NEMP2: variants seen among roughly 807,000 people sequenced by gnomAD.
NEMP2 encodes the protein nuclear envelope integral membrane protein 2.
In NEMP2, 53 loss-of-function variants were observed where a neutral mutation model predicts 54.2. The observed-to-expected ratio is 0.98, with a 90% CI of 0.78 to 1.23. NEMP2 has a LOEUF of 1.23. Among genes scored for constraint, NEMP2 ranks in the 50% most tolerant of loss-of-function variants. The pLI is 0.00. For missense variants in NEMP2, 455 were observed against 511.3 expected, an observed-to-expected ratio of 0.89 and a Z score of 1.06; for synonymous variants, 197 against 190.3, an observed-to-expected ratio of 1.04 and a Z score of -0.29.
At chr2:190,534,861 C>T (rs1691315332), upstream of NEMP2, 1 of 392,250 alleles carries the variant, frequency 2.5e-6, no homozygotes, top group African/African-American at 2.1e-5. Flanking sequence ...ACGGCGGGCC[C>T]AGGCCGGAGG....
chr2:190,641,654 A>C, the NEMP2 span, among the ~76,000 whole-genome samples: 13 of 151,872 alleles, frequency 8.6e-5, no homozygotes, highest in Non-Finnish European at 1.5e-4. Context: ...ACTTTAACCT[A>C]CTCTCCACCC....
the NEMP2 span, among the ~76,000 whole-genome samples, chr2:190,576,619 G>A: frequency 7.0e-6 from 1 of 142,034 alleles, no homozygotes; most frequent in Non-Finnish European, 1.5e-5. Flanking sequence ...CTAGTTTATG[G>A]AGCGGGGTGG....
chr2:190,553,784 G>A, the NEMP2 span, among the ~76,000 whole-genome samples: 1 of 152,220 alleles, frequency 6.6e-6, no homozygotes, highest in African/African-American at 2.4e-5. Context: ...GAGAGGCAGA[G>A]AGGAGGATCC....
At chr2:190,574,855 T>G in the NEMP2 span, among the ~76,000 whole-genome samples, 8 of 145,034 alleles carry the variant, frequency 5.5e-5, no homozygotes, top group Admixed American at 3.4e-4. Flanking sequence ...TCTTTTCTTT[T>G]CTTTGCTTTT....
At chr2:190,572,849 A>ATATATATATG in the NEMP2 span, among the ~76,000 whole-genome samples, 2 of 111,580 alleles carry the variant, frequency 1.8e-5, no homozygotes, top group African/African-American at 6.8e-5. Context: ...ATATATATAT[A>ATATATATATG]TATATATATA....
At chr2:190,589,016 G>T in the NEMP2 span, among the ~76,000 whole-genome samples, 1 of 152,104 alleles carries the variant, frequency 6.6e-6, no homozygotes, top group Non-Finnish European at 1.5e-5. The surrounding 1 kb of genome is among the most constrained non-coding windows in gnomAD (Gnocchi z 4.3). Flanking sequence ...CTTTATATGG[G>T]CTAACTTTCA....
the NEMP2 span, among the ~76,000 whole-genome samples, chr2:190,572,457 T>C: frequency 2.0e-5 from 3 of 152,006 alleles, no homozygotes; most frequent in Non-Finnish European, 4.4e-5. Flanking sequence ...GACAAGAAAT[T>C]AGTCATGTGG....
intron 1 of NEMP2, 42 bp downstream of exon 1, chr2:190,534,517 C>G: frequency 7.3e-7 from 1 of 1,361,516 alleles, no homozygotes; most frequent in Non-Finnish European, 9.4e-7. Context: ...AGCCGGGGAG[C>G]GAGCACGCAC....
At chr2:190,576,980 T>G in the NEMP2 span, among the ~76,000 whole-genome samples, 1 of 152,196 alleles carries the variant, frequency 6.6e-6, no homozygotes, top group Admixed American at 6.5e-5. Flanking sequence ...CAACTGTTTA[T>G]TCACCAGGTA....
At chr2:190,499,652 T>C (rs774602984), downstream of NEMP2, among the ~76,000 whole-genome samples, 1 of 152,262 alleles carries the variant, frequency 6.6e-6, no homozygotes. This position sits in a 1 kb window ranked among gnomAD's most constrained non-coding sequence, Gnocchi z 6.0. Context: ...GCAAGCGGCC[T>C]GAGTTTCAGT....
chr2:190,498,779 G>A, the NEMP2 span, among the ~76,000 whole-genome samples: 13 of 152,138 alleles, frequency 8.5e-5, no homozygotes, highest in Non-Finnish European at 1.5e-4. This position sits in a 1 kb window ranked among gnomAD's most constrained non-coding sequence, Gnocchi z 5.9. Flanking sequence ...ATTACTTTGT[G>A]TACTCATCCT....
the NEMP2 span, among the ~76,000 whole-genome samples, chr2:190,559,632 T>C: frequency 6.6e-6 from 1 of 152,236 alleles, no homozygotes; most frequent in Non-Finnish European, 1.5e-5. The surrounding 1 kb of genome is among the most constrained non-coding windows in gnomAD (Gnocchi z 4.0). Flanking sequence ...CAGTGTCCAA[T>C]GCTAGAGGAA....
the NEMP2 span, among the ~76,000 whole-genome samples, chr2:190,461,865 C>T: frequency 6.6e-6 from 1 of 151,956 alleles, no homozygotes; most frequent in African/African-American, 2.4e-5. This position sits in a 1 kb window ranked among gnomAD's most constrained non-coding sequence, Gnocchi z 5.5. Flanking sequence ...TAGTGTGGAA[C>T]ATGAACCTTA....
chr2:190,569,052 C>T, the NEMP2 span, among the ~76,000 whole-genome samples: 1 of 151,964 alleles, frequency 6.6e-6, no homozygotes, highest in South Asian at 2.1e-4. Flanking sequence ...TGTGGTGGCT[C>T]ACACTGAAAG....
the NEMP2 span, among the ~76,000 whole-genome samples, chr2:190,454,988 ATGTAT>A: frequency 1.4e-3 from 93 of 67,328 alleles, no homozygotes; most frequent in African/African-American, 3.2e-3. This position sits in a 1 kb window ranked among gnomAD's most constrained non-coding sequence, Gnocchi z 4.6. Flanking sequence ...GTATATGTAT[ATGTAT>A]ATGTATAATG....
chr2:190,594,566 T>C, the NEMP2 span, among the ~76,000 whole-genome samples: 2 of 152,174 alleles, frequency 1.3e-5, no homozygotes, highest in East Asian at 3.8e-4. This position sits in a 1 kb window ranked among gnomAD's most constrained non-coding sequence, Gnocchi z 5.6. Context: ...CAAAAAATAT[T>C]TATATTTTAA....
chr2:190,641,858 G>T, the NEMP2 span, among the ~76,000 whole-genome samples: 8 of 152,026 alleles, frequency 5.3e-5, no homozygotes, highest in Admixed American at 1.3e-4. Context: ...CAAAGATAGG[G>T]GATAGAAGAG....
chr2:190,623,673 T>C, the NEMP2 span, among the ~76,000 whole-genome samples: 1 of 151,972 alleles, frequency 6.6e-6, no homozygotes, highest in African/African-American at 2.4e-5. Flanking sequence ...TCAAAGTAGA[T>C]TAAAGACAAA....
At chr2:190,541,693 T>C in the NEMP2 span, among the ~76,000 whole-genome samples, 2 of 152,216 alleles carry the variant, frequency 1.3e-5, no homozygotes, top group East Asian at 1.9e-4. This position sits in a 1 kb window ranked among gnomAD's most constrained non-coding sequence, Gnocchi z 5.2. Context: ...TTTTAAACTT[T>C]CAAATATTTT....
Sources: gnomAD v4.1 joint callset for allele counts (sites outside exome capture counted in the v4.1 genomes callset) on GRCh38, gnomAD v4.1.1 for gene constraint, Gnocchi (gnomAD v3.1) non-coding constraint, MANE v1.5 for transcripts, NCBI Gene and HGNC (gene_info 2026-07-23, HGNC 2026-07-21) for gene names.